CEP192: variants seen among roughly 807,000 people sequenced by gnomAD.
The protein encoded by CEP192 is centrosomal protein of 192 kDa.
Under a neutral mutation model 271.8 loss-of-function variants are expected in CEP192, and 151 were observed. That is an observed-to-expected ratio of 0.56 (90% CI 0.49 to 0.64). The LOEUF is 0.64. Among genes scored for constraint, CEP192 ranks in the 30% least tolerant of loss-of-function variants. CEP192 has a pLI of 0.00. For synonymous variants in CEP192, 995 were observed against 1,076.5 expected (o/e 0.92, Z 1.48); for missense variants, 2,910 against 3,020.5 (o/e 0.96, Z 0.86).
chr18:13,041,100 C>T lies in CEP192; in HGVS notation c.1936+144C>T, dbSNP rs1172892589. 6.4e-6 allele frequency: 4 copies of T among 626,144 alleles called. No homozygotes were observed. The East Asian group carries it at 1.2e-4, about 19-fold the overall frequency. 38.8% of individuals were successfully genotyped at this position (626,144 alleles called of 1,614,324 possible). On this transcript the variant is annotated intron_variant, in intron 14 of 44. Transcript: ENST00000506447. ...CTCAGTGTTGGTTATAGATTTGATT[C>T]ATATGTAACCCCATATATCCTTTTC...
intron 36 of CEP192, among the ~76,000 whole-genome samples, chr18:13,096,545 A>G (rs528956258): frequency 6.6e-6 from 1 of 152,306 alleles, no homozygotes; most frequent in East Asian, 1.9e-4. Context: ...AAAGGGACAC[A>G]CACATTTGAG....
intron 9 of CEP192, among the ~76,000 whole-genome samples, chr18:13,021,257 G>A (rs568297323): frequency 3.2e-4 from 49 of 152,156 alleles, no homozygotes; most frequent in Non-Finnish European, 5.4e-4. Flanking sequence ...AAAAGAAAAC[G>A]ATTGTTGATT....
intron 42 of CEP192, among the ~76,000 whole-genome samples, chr18:13,115,407 G>A (rs1245329362): frequency 6.6e-6 from 1 of 152,198 alleles, no homozygotes; most frequent in Non-Finnish European, 1.5e-5. Flanking sequence ...GAAGTTCCCA[G>A]GAGAAGTTCA....
At chr18:13,034,880 C>T (rs145264182) in intron 11 of CEP192, among the ~76,000 whole-genome samples, 2 of 151,722 alleles carry the variant, frequency 1.3e-5, no homozygotes, top group East Asian at 1.9e-4. Context: ...TCCTCCTTGC[C>T]GACAGCTCAG....
intron 18 of CEP192, 109 bp from the exon 19 acceptor site, chr18:13,055,671 G>A: frequency 1.4e-6 from 1 of 707,716 alleles, no homozygotes; most frequent in East Asian, 2.9e-5. Flanking sequence ...TTTTTTCAAA[G>A]AGACACCTCA....
chr18:13,033,314 A>G (rs1253271094), intron 11 of CEP192, among the ~76,000 whole-genome samples: 1 of 152,216 alleles, frequency 6.6e-6, no homozygotes, highest in African/African-American at 2.4e-5. Context: ...CGATCGTTAA[A>G]TGTACAACAA....
Position 13,052,911 on chromosome 18 carries a change from T to A in CEP192, c.3018-8T>A. 1 of 1,575,614 alleles carries A rather than the reference T, an allele frequency of 6.3e-7. No homozygotes were observed. Among genetic ancestry groups the A allele is most frequent in the Non-Finnish European group, 8.6e-7 (1 of 1,157,334 alleles). ...GAACTCCAGGTGTGAGCTACTCTTC[T>A]CTTTCAGGTGTGCGTTAGAGTCCTT... On this transcript the variant is annotated splice_region_variant and splice_polypyrimidine_tract_variant and intron_variant, in intron 17 of 44. Coordinates refer to ENST00000506447, the MANE Select transcript of CEP192 (RefSeq NM_032142.4).
At chr18:13,055,605 C>G (rs2037051960) in intron 18 of CEP192, among the ~76,000 whole-genome samples, 175 bp from the exon 19 acceptor site, 1 of 152,154 alleles carries the variant, frequency 6.6e-6, no homozygotes, top group South Asian at 2.1e-4. Context: ...CACAAATTTT[C>G]TAATTTAAGT....
At chr18:13,036,030 C>T (rs981570698) in intron 11 of CEP192, among the ~76,000 whole-genome samples, 1 of 151,662 alleles carries the variant, frequency 6.6e-6, no homozygotes, top group African/African-American at 2.4e-5. Flanking sequence ...CTTGTAGGCC[C>T]AGCTTTTGGG....
intron 27 of CEP192, 118 bp from the exon 28 acceptor site, chr18:13,070,921 G>A: frequency 1.4e-6 from 1 of 740,330 alleles, no homozygotes; most frequent in Non-Finnish European, 2.3e-6. Flanking sequence ...TCTAAGGGTG[G>A]GAATATCATT....
rs758344768 is a variant in CEP192 at position 13,049,769 on chromosome 18, G to A, written c.2895G>A (p.Leu965=). 6.2e-7 allele frequency: 1 copy of A among 1,609,674 alleles called. No individual in the cohort carries two copies. Among genetic ancestry groups the A allele is most frequent in the South Asian group, 1.1e-5 (1 of 89,942 alleles). Residue 965 remains leucine, a synonymous_variant, in exon 17 of 45, where the codon TTG becomes TTA. Transcript: ENST00000506447. ...HRIVSPKNSD[L]KNTSPEHGGR... is the part of the protein sequence containing the mutation. ...GAAAATACCCCTTTCTGATAGATTT[G>A]AAAAATACCTCTCCTGAGCATGGTG...
intron 3 of CEP192, among the ~76,000 whole-genome samples, chr18:13,007,026 T>C: frequency 6.6e-6 from 1 of 152,176 alleles, no homozygotes; most frequent in East Asian, 1.9e-4. Flanking sequence ...CCCGACTCCC[T>C]TCTGCCCTCT....
At position 13,087,292 on chromosome 18, in the gene CEP192, TTC is replaced by T; in HGVS notation, c.5877+17_5877+18del. On this transcript the variant is annotated intron_variant, in intron 31 of 44. Coordinates refer to ENST00000506447, the MANE Select transcript of CEP192 (RefSeq NM_032142.4). The stretch of plus-strand genomic sequence containing the variant: ...GAACACAAGAAGTAAGTACAAAAGT[TTC>T]TGTGCTAAAAACATCAACTCATTTT... 2 of 1,577,618 alleles carry T rather than the reference TTC, an allele frequency of 1.3e-6. No homozygotes were observed. The highest frequency in any genetic ancestry group is 1.7e-6 in the Non-Finnish European group (2 of 1,157,094).
At chr18:13,007,326 A>G (rs1201462192) in intron 3 of CEP192, among the ~76,000 whole-genome samples, 1 of 152,170 alleles carries the variant, frequency 6.6e-6, no homozygotes, top group African/African-American at 2.4e-5. Flanking sequence ...TTTTGAGCTA[A>G]TAAAAATATG....
At chr18:13,001,014 T>C (rs576048737) in intron 2 of CEP192, among the ~76,000 whole-genome samples, 1 of 152,350 alleles carries the variant, frequency 6.6e-6, no homozygotes, top group South Asian at 2.1e-4. Context: ...TTCTGTTTTA[T>C]TACCAGATTG....
intron 44 of CEP192, among the ~76,000 whole-genome samples, chr18:13,122,387 A>G (rs923064975): frequency 6.6e-6 from 1 of 152,014 alleles, no homozygotes; most frequent in Non-Finnish European, 1.5e-5. Flanking sequence ...GTGCCACTGC[A>G]CTCCAGCCTG....
rs1467967530 is a variant in CEP192, at chr18:13,049,606, T to C, written c.2815T>C (p.Cys939Arg). The C allele has an allele frequency of 6.2e-7, 1 of 1,612,366 alleles. No individual in the cohort carries two copies. The highest frequency in any genetic ancestry group is 8.5e-7 in the Non-Finnish European group (1 of 1,179,640). Residue 939 changes from cysteine (C) to arginine (R), a missense_variant, in exon 16 of 45, where the codon TGT (cysteine) becomes CGT (arginine). Coordinates refer to ENST00000506447, the MANE Select transcript of CEP192 (RefSeq NM_032142.4). ...DNRENQRQNE[C>R]VSEISNSEKH... ...CAGAGAAAATCAGAGGCAAAATGAG[T>C]GTGTCAGTGAAATAAGCAACAGTGA... is the stretch of plus-strand genomic sequence containing the variant.
intron 18 of CEP192, among the ~76,000 whole-genome samples, chr18:13,054,929 T>A (rs1300396973): frequency 6.6e-6 from 1 of 152,204 alleles, no homozygotes; most frequent in African/African-American, 2.4e-5. Flanking sequence ...GTTAACTTCA[T>A]GCTTCATAGA....
At chr18:13,063,899 C>T (rs1169424826) in intron 21 of CEP192, among the ~76,000 whole-genome samples, 1 of 151,096 alleles carries the variant, frequency 6.6e-6, no homozygotes, top group East Asian at 2.0e-4. Context: ...CGGCTCACTG[C>T]AACCTCTGCC....
Sources: allele counts gnomAD v4.1 joint callset (sites outside exome capture counted in the v4.1 genomes callset), GRCh38; gene constraint gnomAD v4.1.1; transcripts MANE v1.5; gene names NCBI Gene and HGNC (gene_info 2026-07-23, HGNC 2026-07-21).